Variants in SGK3 observed in about 807,000 individuals in gnomAD.
SGK3 encodes serine/threonine-protein kinase Sgk3.
A neutral mutation model predicts 68.5 loss-of-function variants in SGK3; 47 were observed. The observed-to-expected ratio is 0.69, with a 90% confidence interval of 0.54 to 0.87. The LOEUF is 0.87. SGK3 is among the 40% of genes least tolerant of loss of function. SGK3 has a pLI of 0.00. For synonymous variants in SGK3, 181 were observed against 189.1 expected, an observed-to-expected ratio of 0.96 and a Z score of 0.35; for missense variants, 479 against 575.5, an observed-to-expected ratio of 0.83 and a Z score of 1.72.
At chr8:66,788,070 C>A (rs143643419) in intron 1 of SGK3, among the ~76,000 whole-genome samples, 1 of 152,304 alleles carries the variant, frequency 6.6e-6, no homozygotes, top group East Asian at 1.9e-4. Context: ...CATAAACAAG[C>A]GTGCCTTTTT....
intron 8 of SGK3, among the ~76,000 whole-genome samples, chr8:66,835,028 G>C (rs1046456833): frequency 6.6e-6 from 1 of 152,120 alleles, no homozygotes; most frequent in Non-Finnish European, 1.5e-5. Context: ...CCAGCACTTG[G>C]TGAGGTCGAG....
At chr8:66,753,291 C>T (rs1805877470) in intron 1 of SGK3, among the ~76,000 whole-genome samples, 1 of 152,146 alleles carries the variant, frequency 6.6e-6, no homozygotes, top group South Asian at 2.1e-4. Context: ...TCCATGAAGC[C>T]TACAACCTCT....
rs1407472982 is a variant in SGK3 at position 66,784,237 on chromosome 8, CT to C, written c.-121-9377del. Among the ~76,000 whole-genome samples the C allele has an allele frequency of 4.6e-5, 7 of 152,242 alleles. No homozygotes were observed. In the East Asian group the frequency reaches 7.7e-4, roughly 17 times the overall value. On this transcript the variant is annotated intron_variant, in intron 1 of 16. Coordinates refer to ENST00000521198, the MANE Select transcript of SGK3 (RefSeq NM_001033578.3). The stretch of plus-strand genomic sequence containing the variant: ...TATGTGCATGGATTTTCTTTTGTAT[CT>C]TCCTTGACCAGCCCTGTTAGTGCCC...
At chr8:66,827,472 AATTATAT>A (rs779492038) in intron 6 of SGK3, among the ~76,000 whole-genome samples, 6 of 151,660 alleles carry the variant, frequency 4.0e-5, no homozygotes, top group East Asian at 1.9e-4. Flanking sequence ...TATGAAGTAT[AATTATAT>A]ATTATATAGA....
At chr8:66,801,078 C>T (rs1174332741) in intron 3 of SGK3, among the ~76,000 whole-genome samples, 1 of 152,202 alleles carries the variant, frequency 6.6e-6, no homozygotes, top group Non-Finnish European at 1.5e-5. Flanking sequence ...CACGCAACTG[C>T]ACTTACTAAA....
At chr8:66,716,801 G>A (rs1804646653) in intron 1 of SGK3, among the ~76,000 whole-genome samples, 1 of 152,168 alleles carries the variant, frequency 6.6e-6, no homozygotes, top group African/African-American at 2.4e-5. Context: ...CTCTTGGCAT[G>A]ATGTGATATT....
chr8:66,818,231 T>C (rs765393528), intron 5 of SGK3, among the ~76,000 whole-genome samples: 2 of 151,712 alleles, frequency 1.3e-5, no homozygotes, highest in African/African-American at 4.8e-5. Flanking sequence ...GGACGATAGA[T>C]AAATACATTT....
intron 1 of SGK3, among the ~76,000 whole-genome samples, chr8:66,743,174 C>T (rs551286459): frequency 1.3e-5 from 2 of 152,132 alleles, no homozygotes; most frequent in African/African-American, 4.8e-5. Context: ...CTCATGAAGT[C>T]AATTTAGTGG....
At chr8:66,717,527 CAAAAA>C (rs34100199) in intron 1 of SGK3, among the ~76,000 whole-genome samples, 25 of 149,206 alleles carry the variant, frequency 1.7e-4, no homozygotes, top group African/African-American at 6.1e-4. Context: ...GACTCCTTCT[CAAAAA>C]AAAAGAAAAG....
chr8:66,809,142 A>C (rs1808282285), intron 4 of SGK3, among the ~76,000 whole-genome samples: 1 of 152,194 alleles, frequency 6.6e-6, no homozygotes, highest in African/African-American at 2.4e-5. Flanking sequence ...TGCTGGGATT[A>C]CACCACCACC....
At chr8:66,772,542 G>A (rs948123802) in intron 1 of SGK3, among the ~76,000 whole-genome samples, 6 of 148,164 alleles carry the variant, frequency 4.0e-5, no homozygotes, top group Admixed American at 6.7e-5. Flanking sequence ...CTACAGGCGC[G>A]CACCACTACA....
In SGK3 at chr8:66,828,967, G is replaced by GGTGT. The variant is rs113679632; in HGVS notation, c.467+293_467+296dup. Among the ~76,000 whole-genome samples the GGTGT allele has an allele frequency of 6.7e-3, 800 of 119,356 alleles. 1 individual carries two copies. The highest frequency in any genetic ancestry group is 0.012 in the African/African-American group (332 of 28,188). 78.3% of individuals were successfully genotyped at this position (119,356 alleles called of 152,430 possible). On this transcript the variant is annotated intron_variant, in intron 7 of 16. Transcript: ENST00000521198. ...CACTTTTCTGGGTGGGTGGGTGGGG[G>GGTGT]GTGTGTGTGTGTGTGTGTGTGTGTG...
At chr8:66,831,342 T>TTTTGG (rs373982370) in intron 8 of SGK3, 31 bp downstream of exon 8, 587 of 1,609,684 alleles carry the variant, frequency 3.6e-4, no homozygotes, top group Non-Finnish European at 4.6e-4. Flanking sequence ...TTTTATTTGG[T>TTTTGG]TTTGGTTTTG....
At chr8:66,719,707 T>C (rs911096263) in intron 1 of SGK3, among the ~76,000 whole-genome samples, 1 of 152,214 alleles carries the variant, frequency 6.6e-6, no homozygotes, top group Non-Finnish European at 1.5e-5. Context: ...GCTTTATAAT[T>C]GATTATCAAT....
intron 1 of SGK3, among the ~76,000 whole-genome samples, chr8:66,780,425 C>T (rs895062759): frequency 3.3e-5 from 5 of 152,138 alleles, no homozygotes; most frequent in African/African-American, 1.2e-4. Flanking sequence ...TAGTTGCAAT[C>T]CATAAATGCT....
In SGK3 at chr8:66,790,166, C is replaced by T. The variant is rs540591721; in HGVS notation, c.-121-3450C>T. Among the ~76,000 whole-genome samples, 4 of 152,320 alleles carry T rather than the reference C, an allele frequency of 2.6e-5. No homozygotes were observed. In the South Asian group the frequency reaches 8.3e-4, roughly 32 times the overall value. On this transcript the variant is annotated intron_variant, in intron 1 of 16. Coordinates refer to ENST00000521198, the MANE Select transcript of SGK3 (RefSeq NM_001033578.3). ...AATATATTCCTATATGTGCTCTCCA[C>T]ACTCCCACTGGTAAATAAATTGTTG... is the stretch of plus-strand genomic sequence containing the variant.
intron 8 of SGK3, among the ~76,000 whole-genome samples, chr8:66,835,413 A>T (rs1338550517): frequency 6.6e-6 from 1 of 152,206 alleles, no homozygotes; most frequent in Non-Finnish European, 1.5e-5. Flanking sequence ...ATCCTTGTTA[A>T]TGTAGCCATG....
At chr8:66,727,453 A>G (rs746334091) in intron 1 of SGK3, among the ~76,000 whole-genome samples, 18 of 152,194 alleles carry the variant, frequency 1.2e-4, no homozygotes, top group Non-Finnish European at 2.2e-4. Flanking sequence ...AAAAAGTATC[A>G]TGATCCTGGG....
intron 4 of SGK3, among the ~76,000 whole-genome samples, chr8:66,812,427 C>G (rs1474150558): frequency 1.3e-5 from 2 of 151,730 alleles, no homozygotes; most frequent in African/African-American, 4.8e-5. Flanking sequence ...TGTGGTGGTG[C>G]GTGCCTGTAA....
Sources: allele counts gnomAD v4.1 joint callset (sites outside exome capture counted in the v4.1 genomes callset), GRCh38; gene constraint gnomAD v4.1.1; transcripts MANE v1.5; gene names NCBI Gene and HGNC (gene_info 2026-07-23, HGNC 2026-07-21).